CHD7: variants seen among roughly 807,000 people sequenced by gnomAD.
CHD7 encodes chromodomain helicase DNA binding protein 7, also known as ATP-dependent chromatin remodeler CHD7.
A neutral mutation model predicts 307.3 loss-of-function variants in CHD7; 24 were observed. The observed-to-expected ratio is 0.08, with a 90% CI of 0.06 to 0.11. The LOEUF is 0.11. Ranked by LOEUF, CHD7 falls within the 10% of genes least tolerant of loss-of-function variation. The pLI is 1.00. For missense variants in CHD7, 3,106 were observed against 3,727.1 expected (o/e 0.83, Z 4.34); for synonymous variants, 1,363 against 1,349.9 (o/e 1.01, Z -0.21).
chr8:60,798,706 G>A (rs1355926458), intron 4 of CHD7, among the ~76,000 whole-genome samples: 1 of 152,032 alleles, frequency 6.6e-6, no homozygotes, highest in East Asian at 1.9e-4. Flanking sequence ...AAAAAATTTT[G>A]TGTCAAAATT....
At chr8:60,808,909 CTG>C (rs943067350) in intron 7 of CHD7, 2 of 152,340 alleles carry the variant, frequency 1.3e-5, no homozygotes, top group Non-Finnish European at 2.9e-5. Flanking sequence ...CTGAAGAAGA[CTG>C]AGGCCATTTT....
chr8:60,696,289 T>C (rs1806462908), intron 1 of CHD7, among the ~76,000 whole-genome samples: 1 of 152,208 alleles, frequency 6.6e-6, no homozygotes, highest in Non-Finnish European at 1.5e-5. Context: ...ATTTAAAAAA[T>C]TATTAGTTTC....
At position 60,795,095 on chromosome 8, in the gene CHD7, C is replaced by T; in HGVS notation, c.2206C>T (p.Pro736Ser). 1 of 1,613,790 alleles carries T rather than the reference C, an allele frequency of 6.2e-7. No individual in the cohort carries two copies. Among genetic ancestry groups the T allele is most frequent in the Non-Finnish European group, 8.5e-7 (1 of 1,179,754 alleles). ...AGACAAAACACCCCCACCATCTCCTCCTCCTGAAGAAGATGAGGACCCAGG... is the reference window on the plus strand; with the variant it reads ...AGACAAAACACCCCCACCATCTCCTTCTCCTGAAGAAGATGAGGACCCAGG... Reference protein sequence around the residue: ...DLDKTPPPSPPPEEDEDPGVQ... With the variant: ...DLDKTPPPSPSPEEDEDPGVQ... The change falls in exon 4 of 38, where the codon CCT becomes TCT. Residue 736 changes from proline (P) to serine (S), a missense_variant. Physicochemically the swap from Pro to Ser is moderately conservative, Grantham distance 74 (BLOSUM62 -1). Around this residue, in one of 10 missense-constraint regions of CHD7, gnomAD observed 998 missense variants for 1,004.5 expected, o/e 0.99. Coordinates refer to ENST00000423902, the MANE Select transcript of CHD7 (RefSeq NM_017780.4).
At chr8:60,750,704 T>G (rs1224505425) in intron 2 of CHD7, among the ~76,000 whole-genome samples, 1 of 152,262 alleles carries the variant, frequency 6.6e-6, no homozygotes, top group Non-Finnish European at 1.5e-5. Flanking sequence ...TTACACAGAT[T>G]GCGTGAGCTG....
chr8:60,766,373 CTT>C, intron 2 of CHD7, among the ~76,000 whole-genome samples: 1 of 152,164 alleles, frequency 6.6e-6, no homozygotes, highest in Non-Finnish European at 1.5e-5. Flanking sequence ...GAGGTGAGGA[CTT>C]TAGATTTTTC....
intron 1 of CHD7, among the ~76,000 whole-genome samples, chr8:60,719,726 G>A (rs1400462288): frequency 6.6e-6 from 1 of 152,264 alleles, no homozygotes; most frequent in African/African-American, 2.4e-5. Context: ...TGAGCGCTGT[G>A]AAGGAGCAGA....
chr8:60,771,738 A>G (rs1192383118), intron 2 of CHD7, among the ~76,000 whole-genome samples: 1 of 143,740 alleles, frequency 7.0e-6, no homozygotes, highest in Admixed American at 7.0e-5. Flanking sequence ...TTCATTTCCT[A>G]TGCTATATGA....
At chr8:60,714,602 C>A (rs559617759) in intron 1 of CHD7, among the ~76,000 whole-genome samples, 1 of 152,246 alleles carries the variant, frequency 6.6e-6, no homozygotes, top group Non-Finnish European at 1.5e-5. Context: ...CACTGCCCCC[C>A]ACTTCGCGGC....
intron 2 of CHD7, among the ~76,000 whole-genome samples, chr8:60,779,614 G>A (rs761707949): frequency 4.6e-5 from 7 of 152,146 alleles, no homozygotes; most frequent in Non-Finnish European, 7.4e-5. Context: ...TAGGTGTATT[G>A]GAATCGAATT....
intron 10 of CHD7, 42 bp from the exon 11 acceptor site, chr8:60,821,982 T>C (rs555982783): frequency 6.2e-6 from 10 of 1,613,258 alleles, no homozygotes; most frequent in Non-Finnish European, 8.5e-6. Flanking sequence ...AGTGGTGTGG[T>C]CTTTGGGAAA....
At chr8:60,702,890 A>T (rs1337208675) in intron 1 of CHD7, among the ~76,000 whole-genome samples, 3 of 152,158 alleles carry the variant, frequency 2.0e-5, no homozygotes, top group Non-Finnish European at 2.9e-5. Context: ...TTTGCATGTG[A>T]GAGAGAGTGA....
At chr8:60,820,291 T>G (rs1411630469) in intron 9 of CHD7, among the ~76,000 whole-genome samples, 1 of 152,248 alleles carries the variant, frequency 6.6e-6, no homozygotes, top group Non-Finnish European at 1.5e-5. Context: ...ATGTTTAGTC[T>G]GAGAACTTTT....
At chr8:60,808,079 C>T (rs1311466565) in intron 6 of CHD7, 138 bp from the exon 7 acceptor site, 22 of 656,374 alleles carry the variant, frequency 3.4e-5, no homozygotes, top group South Asian at 5.5e-5. Context: ...TCCCAGCACA[C>T]GGTGTGCTCA....
At chr8:60,859,985 C>G (rs966905544) in intron 34 of CHD7, among the ~76,000 whole-genome samples, 2 of 152,054 alleles carry the variant, frequency 1.3e-5, no homozygotes, top group African/African-American at 4.8e-5. Context: ...TCAGGGAGAC[C>G]ATTTAGGAAT....
intron 32 of CHD7, among the ~76,000 whole-genome samples, chr8:60,854,823 A>T (rs1805630935): frequency 6.6e-6 from 1 of 152,200 alleles, no homozygotes; most frequent in South Asian, 2.1e-4. Flanking sequence ...CCCGTTGTCT[A>T]GCATAATGTA....
chr8:60,782,958 A>G (rs920808328), intron 3 of CHD7, among the ~76,000 whole-genome samples: 1 of 152,168 alleles, frequency 6.6e-6, no homozygotes, highest in Non-Finnish European at 1.5e-5. Flanking sequence ...AAAATCTTAA[A>G]AAGAATATAA....
intron 8 of CHD7, among the ~76,000 whole-genome samples, chr8:60,817,664 A>T (rs1204177763): frequency 6.6e-6 from 1 of 152,256 alleles, no homozygotes; most frequent in Non-Finnish European, 1.5e-5. Context: ...AATATTAAGA[A>T]GATTCTTCAG....
chr8:60,682,886 C>G (rs1312560942), intron 1 of CHD7, among the ~76,000 whole-genome samples: 2 of 152,182 alleles, frequency 1.3e-5, no homozygotes, highest in African/African-American at 2.4e-5. Context: ...CTTAAAACTT[C>G]AACTTTGTAA....
At chr8:60,760,031 A>G (rs1028755280) in intron 2 of CHD7, among the ~76,000 whole-genome samples, 19 of 152,182 alleles carry the variant, frequency 1.2e-4, no homozygotes, top group African/African-American at 4.3e-4. Context: ...CTGTGTAGTA[A>G]TGTTGGTGAG....
Sources: allele counts gnomAD v4.1 joint callset (sites outside exome capture counted in the v4.1 genomes callset), GRCh38; gene constraint gnomAD v4.1.1; regional missense constraint gnomAD v4.1.1; transcripts MANE v1.5; gene names NCBI Gene and HGNC (gene_info 2026-07-23, HGNC 2026-07-21).